Variants in PALB2 observed in about 807,000 individuals in gnomAD.
PALB2 encodes the protein partner and localizer of BRCA2, also known as mutant partner and localizer of BRCA2.
Under a neutral mutation model 107.4 loss-of-function variants are expected in PALB2, and 82 were observed. The ratio of observed to expected loss-of-function variants is 0.76; its 90% CI spans 0.64 to 0.92. The LOEUF is 0.92. Ranked by LOEUF, PALB2 falls within the 40% of genes least tolerant of loss-of-function variation. PALB2 has a pLI of 0.00. For synonymous variants in PALB2, 489 were observed against 496.8 expected (o/e 0.98, Z 0.21); for missense variants, 1,374 against 1,379.9 (o/e 1.00, Z 0.07).
At chr16:23,638,389 T>A in intron 1 of PALB2, 3 of 540,260 alleles carry the variant, frequency 5.6e-6, no homozygotes, top group East Asian at 3.4e-5. Context: ...TTTATTTCCC[T>A]GGGATAGACT....
chr16:23,624,132 G>A (rs1449199579), intron 7 of PALB2, 38 bp from the exon 8 acceptor site: 2 of 1,452,202 alleles, frequency 1.4e-6, no homozygotes, highest in African/African-American at 2.8e-5. Context: ...ATGCTTGGTT[G>A]TTTCATTTTT....
At position 23,633,880 on chromosome 16, in the gene PALB2, A is replaced by AT. The variant is rs973043121; in HGVS notation, c.1684+981dup. 9.3e-5 allele frequency among the ~76,000 whole-genome samples: 14 copies of AT among 150,740 alleles called. No individual in the cohort carries two copies. The East Asian group carries it at 9.7e-4, about 10-fold the overall frequency. Reference sequence around the variant, plus strand: ...CACCACACCTGGCTAATTTTTCTATATTTTTTTTTGTAGAGATGGGGTTTC... The same window carrying AT: ...CACCACACCTGGCTAATTTTTCTATATTTTTTTTTTGTAGAGATGGGGTTTC... On this transcript the variant is annotated intron_variant, in intron 4 of 12. Transcript: ENST00000261584.
intron 11 of PALB2, among the ~76,000 whole-genome samples, chr16:23,611,776 C>T (rs1178238726): frequency 6.6e-6 from 1 of 152,080 alleles, no homozygotes; most frequent in African/African-American, 2.4e-5. Flanking sequence ...ATTTTTGGGA[C>T]AGGGTCTCAC....
intron 3 of PALB2, 61 bp from the exon 4 acceptor site, chr16:23,636,395 TC>T: frequency 8.6e-7 from 1 of 1,157,030 alleles, no homozygotes; most frequent in Non-Finnish European, 1.2e-6. Flanking sequence ...CAAAAAATAC[TC>T]ATTTTTAACC....
intron 11 of PALB2, among the ~76,000 whole-genome samples, chr16:23,610,505 C>T (rs891528615): frequency 6.6e-6 from 1 of 151,466 alleles, no homozygotes; most frequent in Non-Finnish European, 1.5e-5. Flanking sequence ...GACGGAGTTT[C>T]ACCATGTTGG....
At chr16:23,620,742 T>C (rs1275185099) in intron 10 of PALB2, among the ~76,000 whole-genome samples, 2 of 152,172 alleles carry the variant, frequency 1.3e-5, no homozygotes, top group South Asian at 2.1e-4. Flanking sequence ...ATTAATATGA[T>C]GTTGTTGGTA....
chr16:23,636,286 T>G lies in PALB2; in HGVS notation c.260A>C (p.His87Pro), dbSNP rs1251028803. The change falls in exon 4 of 13, where the codon CAT becomes CCT. Residue 87 changes from histidine (H) to proline (P), a missense_variant. Coordinates refer to ENST00000261584, the MANE Select transcript of PALB2 (RefSeq NM_024675.4). ...CVYDKLHIKT[H>P]LDEETGEKTS... is the part of the protein sequence containing the mutation. ...CTTTTCTCCAGTTTCTTCATCAAGA[T>G]GGGTTTTGATGTGTAACTTGTCATA... 6.2e-7 allele frequency: 1 copy of G among 1,613,562 alleles called. No homozygotes were observed. The highest frequency in any genetic ancestry group is 1.3e-5 in the African/African-American group (1 of 74,874).
intron 11 of PALB2, among the ~76,000 whole-genome samples, chr16:23,610,309 CT>C (rs200742073): frequency 0.033 from 4,448 of 133,666 alleles, 96 homozygotes; most frequent in South Asian, 0.094. Flanking sequence ...AATGTTATTT[CT>C]TTTTTTTTTT....
At chr16:23,627,573 T>C (rs1030179678) in intron 6 of PALB2, among the ~76,000 whole-genome samples, 10 of 150,078 alleles carry the variant, frequency 6.7e-5, no homozygotes, top group African/African-American at 2.2e-4. Context: ...CAAGTAAGCA[T>C]GCAGCTCAGG....
Position 23,629,625 on chromosome 16 carries a change from G to A in PALB2, c.2514+15C>T, listed in dbSNP as rs2142371115. 1 of 1,611,504 alleles carries A rather than the reference G, an allele frequency of 6.2e-7. No individual in the cohort carries two copies. Among genetic ancestry groups the A allele is most frequent in the South Asian group, 1.1e-5 (1 of 91,024 alleles). ...ATTCCTTCAGAGAAAATTTCACAGAGGAAATGGATTGTACCTGTTCGACGG... is the reference window on the plus strand; with the variant it reads ...ATTCCTTCAGAGAAAATTTCACAGAAGAAATGGATTGTACCTGTTCGACGG... On this transcript the variant is annotated intron_variant, in intron 5 of 12. Coordinates refer to ENST00000261584, the MANE Select transcript of PALB2 (RefSeq NM_024675.4).
At chr16:23,606,230 T>A (rs1390421798) in intron 12 of PALB2, among the ~76,000 whole-genome samples, 1 of 151,376 alleles carries the variant, frequency 6.6e-6, no homozygotes, top group Non-Finnish European at 1.5e-5. Flanking sequence ...AGTTCTGAGG[T>A]TCTTAGGTTC....
intron 3 of PALB2, 22 bp from the exon 4 acceptor site, chr16:23,636,356 AT>A: frequency 6.8e-7 from 1 of 1,466,106 alleles, no homozygotes; most frequent in Non-Finnish European, 9.2e-7. Context: ...AAAAATGTAT[AT>A]AACTTATATT....
In PALB2 at chr16:23,635,477, A is replaced by G; in HGVS notation, c.1069T>C (p.Ser357Pro). The G allele has an allele frequency of 6.2e-7, 1 of 1,614,060 alleles. No individual in the cohort carries two copies. Among genetic ancestry groups the G allele is most frequent in the Non-Finnish European group, 8.5e-7 (1 of 1,180,012 alleles). The part of the protein sequence containing the change: ...EQNQTEKSLK[S>P]PSDTLDGRNE... Reference sequence around the variant, plus strand: ...CTGCCATCAAGAGTGTCACTGGGAGATTTTAAAGATTTCTCTGTTTGATTT... The same window carrying G: ...CTGCCATCAAGAGTGTCACTGGGAGGTTTTAAAGATTTCTCTGTTTGATTT... Residue 357 changes from serine to proline, a missense_variant, in exon 4 of 13, where the codon TCT becomes CCT. Transcript: ENST00000261584.
chr16:23,640,133 T>C (rs1382347522), intron 1 of PALB2: 9 of 166,350 alleles, frequency 5.4e-5, no homozygotes. Context: ...TCAAGCGATC[T>C]GCCCATCTCG....
At chr16:23,624,753 C>T (rs555361489) in intron 7 of PALB2, among the ~76,000 whole-genome samples, 1 of 152,296 alleles carries the variant, frequency 6.6e-6, no homozygotes, top group Non-Finnish European at 1.5e-5. Flanking sequence ...TCAGGTGATC[C>T]ACCCACCTCA....
Position 23,607,902 on chromosome 16 carries a change from A to G in PALB2, c.3312T>C (p.Gly1104=), listed in dbSNP as rs1199973644. Residue 1104 remains glycine (G), a synonymous_variant, in exon 12 of 13, where the codon GGT becomes GGC. Coordinates refer to ENST00000261584, the MANE Select transcript of PALB2 (RefSeq NM_024675.4). ...VINPKTTLSV[G]VMLYCLPPGQ... ...CTGGAGGAAGACAGTACAGCATCAC[A>G]CCCACGCTGAGAGTCGTCTTAGGGT... is the stretch of plus-strand genomic sequence containing the variant. 1 of 1,614,046 alleles carries G rather than the reference A, an allele frequency of 6.2e-7. No homozygotes were observed. The highest frequency in any genetic ancestry group is 1.7e-5 in the Admixed American group (1 of 59,994).
At position 23,603,656 on chromosome 16, in the gene PALB2, C is replaced by T. The variant is rs540276838; in HGVS notation, c.3364G>A (p.Asp1122Asn). 1 of 1,613,540 alleles carries T rather than the reference C, an allele frequency of 6.2e-7. No individual in the cohort carries two copies. The highest frequency in any genetic ancestry group is 1.7e-5 in the Admixed American group (1 of 59,946). The change falls in exon 13 of 13, where the codon GAC (aspartate) becomes AAC (asparagine). Residue 1122 changes from aspartate to asparagine, a missense_variant. Transcript: ENST00000261584. ...PGQAGRFLEG[D>N]VKDHCAAAIL... ...GCTGCTGCACAGTGATCTTTCACGT[C>T]ACCTTCCAGGAACCTGATAGCATAC...
At chr16:23,607,841 G>GAGTAGCAGTTATGCAC in intron 12 of PALB2, 23 bp downstream of exon 12, 1 of 1,613,226 alleles carries the variant, frequency 6.2e-7, no homozygotes, top group Non-Finnish European at 8.5e-7. Flanking sequence ...CCCACCCATA[G>GAGTAGCAGTTATGCAC]AGTAGCAGTT....
rs1567221468 is a variant in PALB2, at chr16:23,635,384, G to A, written c.1162C>T (p.Pro388Ser). 6.2e-7 allele frequency: 1 copy of A among 1,614,034 alleles called. No individual in the cohort carries two copies. The highest frequency in any genetic ancestry group is 8.5e-7 in the Non-Finnish European group (1 of 1,180,024). The stretch of plus-strand genomic sequence containing the variant: ...CAAGAATGTTTTTCTGCAGAAAGAG[G>A]AGAGGTTGCTTCCAGGCTAAGACTC... ...PKSLSLEATSPLSAEKHSCTV... is the reference protein window; with the variant it reads ...PKSLSLEATSSLSAEKHSCTV... Residue 388 changes from proline to serine, a missense_variant, in exon 4 of 13, where the codon CCT (proline) becomes TCT (serine). Transcript: ENST00000261584.
Sources: gnomAD v4.1 joint callset for allele counts (sites outside exome capture counted in the v4.1 genomes callset) on GRCh38, gnomAD v4.1.1 for gene constraint, MANE v1.5 for transcripts, NCBI Gene and HGNC (gene_info 2026-07-23, HGNC 2026-07-21) for gene names.